Variants in UBOX5 observed in about 807,000 individuals in gnomAD.
UBOX5 encodes RING finger protein 37.
Under a neutral mutation model 39.0 loss-of-function variants are expected in UBOX5, and 28 were observed. The observed-to-expected ratio is 0.72, with a 90% CI of 0.53 to 0.98. UBOX5 has a LOEUF of 0.98. Among genes scored for constraint, UBOX5 ranks in the 50% least tolerant of loss-of-function variants. UBOX5 has a pLI of 0.00. For missense variants in UBOX5, 585 were observed against 674.4 expected, an observed-to-expected ratio of 0.87 and a Z score of 1.47; for synonymous variants, 283 against 275.5, an observed-to-expected ratio of 1.03 and a Z score of -0.27.
intron 1 of UBOX5, among the ~76,000 whole-genome samples, chr20:3,134,648 C>A (rs1427260698): frequency 6.7e-6 from 1 of 150,270 alleles, no homozygotes; most frequent in East Asian, 2.0e-4. Context: ...CATCTGAGGT[C>A]AAGAGTTCAA....
Position 3,121,919 on chromosome 20 carries a change from A to G in UBOX5, c.720T>C (p.Pro240=), listed in dbSNP as rs1314546013. The G allele has an allele frequency of 6.2e-7, 1 of 1,613,752 alleles. No individual in the cohort carries two copies. The highest frequency in any genetic ancestry group is 1.3e-5 in the African/African-American group (1 of 74,944). ...GGCTGGAGGGAGCCTGCTGGCTCTC[A>G]GGCTGGTCCCCAGGGTCACAGTCAC... ...MESDCDPGDQ[P]ESQQAPSSLQ... Residue 240 remains proline (P), a synonymous_variant, in exon 3 of 5, where the codon CCT becomes CCC. Coordinates refer to ENST00000217173, the MANE Select transcript of UBOX5 (RefSeq NM_014948.4).
chr20:3,132,528 G>T (rs1223026455), intron 1 of UBOX5, among the ~76,000 whole-genome samples: 1 of 151,692 alleles, frequency 6.6e-6, no homozygotes, highest in Non-Finnish European at 1.5e-5. Flanking sequence ...CAAAGAAATG[G>T]CTGGGTGAAA....
chr20:3,135,829 C>T (rs974182747), intron 1 of UBOX5, among the ~76,000 whole-genome samples: 5 of 151,896 alleles, frequency 3.3e-5, no homozygotes, highest in African/African-American at 7.3e-5. Flanking sequence ...AGTAAGTCAT[C>T]GGTGAATCAT....
chr20:3,139,321 C>T (rs1029099085), intron 1 of UBOX5, among the ~76,000 whole-genome samples: 2 of 152,152 alleles, frequency 1.3e-5, no homozygotes, highest in African/African-American at 4.8e-5. Context: ...GCCAAGTCAC[C>T]CTCTAAGGGC....
At chr20:3,157,519 A>C (rs979822059) in intron 1 of UBOX5, among the ~76,000 whole-genome samples, 2 of 152,198 alleles carry the variant, frequency 1.3e-5, no homozygotes, top group Non-Finnish European at 2.9e-5. Flanking sequence ...CTATTCCTCT[A>C]TCAGAATGGC....
At chr20:3,155,873 C>T (rs1478422068) in intron 1 of UBOX5, among the ~76,000 whole-genome samples, 1 of 152,186 alleles carries the variant, frequency 6.6e-6, no homozygotes, top group Non-Finnish European at 1.5e-5. Flanking sequence ...ACTCTTTTCA[C>T]TATGCAACAT....
chr20:3,158,351 T>C lies in UBOX5; in HGVS notation c.-42+1415A>G, dbSNP rs116841493. On this transcript the variant is annotated intron_variant, in intron 1 of 4. Coordinates refer to ENST00000217173, the MANE Select transcript of UBOX5 (RefSeq NM_014948.4). ...ATTAGGGACTAAAAAAATAAACCAA[T>C]GGATGGGGAAGAAAATCATACTGAC... Among the ~76,000 whole-genome samples, 53 of 152,240 alleles carry C rather than the reference T, an allele frequency of 3.5e-4. No individual in the cohort carries two copies. In the East Asian group the frequency reaches 9.7e-3, roughly 28 times the overall value.
rs150574648 is a variant in UBOX5 at position 3,132,179 on chromosome 20, G to A, written c.-41-8773C>T. 6.1e-3 allele frequency among the ~76,000 whole-genome samples: 932 copies of A among 151,598 alleles called. 8 individuals are homozygous for A. The highest frequency in any genetic ancestry group is 0.021 in the African/African-American group (871 of 41,298). On this transcript the variant is annotated intron_variant, in intron 1 of 4. Coordinates refer to ENST00000217173, the MANE Select transcript of UBOX5 (RefSeq NM_014948.4). ...ACAAAAATTAGCTGGGCATGGTTGC[G>A]CATGCCTGTAATCCCAGCTACTCTG...
chr20:3,150,879 T>C (rs1447935906), intron 1 of UBOX5: 1 of 152,224 alleles, frequency 6.6e-6, no homozygotes, highest in Non-Finnish European at 1.5e-5. Flanking sequence ...CTGTGGCTTG[T>C]GGACCATTCT....
At chr20:3,137,132 A>G (rs1302429397) in intron 1 of UBOX5, among the ~76,000 whole-genome samples, 1 of 151,514 alleles carries the variant, frequency 6.6e-6, no homozygotes, top group African/African-American at 2.4e-5. Context: ...TTCAGTAGAG[A>G]CAGGGTTTCA....
chr20:3,142,591 G>T, intron 1 of UBOX5, among the ~76,000 whole-genome samples: 1 of 142,472 alleles, frequency 7.0e-6, no homozygotes. Context: ...GTGACAGAGT[G>T]AGACTCCGTC....
Position 3,121,325 on chromosome 20 carries a change from T to C in UBOX5, c.1255+59A>G, listed in dbSNP as rs2066333492. 3.9e-6 allele frequency: 6 copies of C among 1,555,158 alleles called. No individual in the cohort carries two copies. In the East Asian group the frequency reaches 1.1e-4, roughly 29 times the overall value. The stretch of plus-strand genomic sequence containing the variant: ...AGCACAAAGCAAAGGGCAGCAGAGC[T>C]GAGAGCTCCTGGGAAGGAGATGGAT... On this transcript the variant is annotated intron_variant, in intron 3 of 4. Coordinates refer to ENST00000217173, the MANE Select transcript of UBOX5 (RefSeq NM_014948.4).
intron 3 of UBOX5, among the ~76,000 whole-genome samples, chr20:3,119,591 T>C (rs940955828): frequency 2.0e-5 from 3 of 151,754 alleles, no homozygotes; most frequent in African/African-American, 7.3e-5. Context: ...CGGTGGCTTA[T>C]ACCTGTAATC....
chr20:3,158,021 C>T (rs532668251), intron 1 of UBOX5, among the ~76,000 whole-genome samples: 19 of 152,254 alleles, frequency 1.2e-4, no homozygotes, highest in African/African-American at 2.9e-4. Flanking sequence ...ACCTCCCGGG[C>T]GAGGATCGCT....
At chr20:3,155,815 C>A (rs1305016514) in intron 1 of UBOX5, among the ~76,000 whole-genome samples, 1 of 152,168 alleles carries the variant, frequency 6.6e-6, no homozygotes, top group Non-Finnish European at 1.5e-5. Flanking sequence ...AATAAGGAAT[C>A]TTAGAGGCAT....
intron 1 of UBOX5, among the ~76,000 whole-genome samples, chr20:3,132,586 A>G (rs1398461779): frequency 6.6e-6 from 1 of 151,976 alleles, no homozygotes; most frequent in Non-Finnish European, 1.5e-5. Context: ...TGGGTGGCTG[A>G]GGCGGGCAGA....
chr20:3,128,377 A>G (rs1600382834), intron 1 of UBOX5, among the ~76,000 whole-genome samples: 1 of 152,220 alleles, frequency 6.6e-6, no homozygotes, highest in African/African-American at 2.4e-5. Flanking sequence ...TCCTTGGAAA[A>G]GCAAGCCTAG....
intron 1 of UBOX5, among the ~76,000 whole-genome samples, chr20:3,127,545 C>T (rs1600381985): frequency 6.6e-6 from 1 of 152,062 alleles, no homozygotes; most frequent in Admixed American, 6.6e-5. Flanking sequence ...TTGTTCAGAC[C>T]TTTACCAAGA....
intron 3 of UBOX5, among the ~76,000 whole-genome samples, chr20:3,118,770 T>C (rs2066312703): frequency 6.6e-6 from 1 of 151,570 alleles, no homozygotes; most frequent in South Asian, 2.1e-4. Context: ...AGACTCCGTC[T>C]CAAAAAAAAA....
Sources: gnomAD v4.1 joint callset for allele counts (sites outside exome capture counted in the v4.1 genomes callset) on GRCh38, gnomAD v4.1.1 for gene constraint, MANE v1.5 for transcripts, NCBI Gene and HGNC (gene_info 2026-07-23, HGNC 2026-07-21) for gene names.